The following RNF17 variants were observed in gnomAD, a reference collection of about 807,000 sequenced individuals.
RNF17 encodes spermatogenesis associated 23.
RNF17 carries 31 observed loss-of-function variants against 200.5 expected under a neutral mutation model. That is an observed-to-expected ratio of 0.15 (90% confidence interval 0.12 to 0.21). The LOEUF is 0.21. RNF17 is among the 10% of genes least tolerant of loss of function. The pLI is 1.00. For synonymous variants in RNF17, 606 were observed against 637.8 expected (o/e 0.95, Z 0.75); for missense variants, 1,628 against 1,905.1 (o/e 0.85, Z 2.71).
chr13:24,840,131 A>G (rs1313788902), intron 18 of RNF17, among the ~76,000 whole-genome samples: 1 of 152,206 alleles, frequency 6.6e-6, no homozygotes, highest in Non-Finnish European at 1.5e-5. Flanking sequence ...AAAATGCTCA[A>G]CATCACTAAT....
rs984122581 is a variant in RNF17, at chr13:24,854,213, C to A, written c.3610+69C>A. On this transcript the variant is annotated intron_variant, in intron 25 of 35. Coordinates refer to ENST00000255324, the MANE Select transcript of RNF17 (RefSeq NM_031277.3). ...ACGACAGGGATTGAAATACTTTGGG[C>A]AACCTCTTTGAACGTTATTTTCACA... is the stretch of plus-strand genomic sequence containing the variant. 13 of 1,230,864 alleles carry A rather than the reference C, an allele frequency of 1.1e-5. No individual in the cohort carries two copies. The African/African-American group carries it at 1.8e-4, about 17-fold the overall frequency. The allele number at this position is 1,230,864 out of a possible 1,614,324, so 76.2% of individuals were successfully genotyped here.
At chr13:24,843,565 G>A (rs1020108922) in intron 19 of RNF17, among the ~76,000 whole-genome samples, 179 bp from the exon 20 acceptor site, 1 of 152,048 alleles carries the variant, frequency 6.6e-6, no homozygotes, top group Non-Finnish European at 1.5e-5. Context: ...TCTTTTTAAA[G>A]TGAGGGTTAT....
At chr13:24,795,983 T>G (rs567577609) in intron 10 of RNF17, among the ~76,000 whole-genome samples, 154 bp from the exon 11 acceptor site, 141 of 152,320 alleles carry the variant, frequency 9.3e-4, no homozygotes, top group African/African-American at 3.1e-3. Flanking sequence ...ATCAATCATT[T>G]AGGGCTTGCA....
chr13:24,886,103 C>T, the RNF17 span: 2 of 387,728 alleles, frequency 5.2e-6, no homozygotes, highest in African/African-American at 2.1e-5. Context: ...CATACTGTAC[C>T]AGCAACATAT....
intron 15 of RNF17, among the ~76,000 whole-genome samples, chr13:24,825,084 T>C (rs1888476698): frequency 6.6e-6 from 1 of 152,162 alleles, no homozygotes; most frequent in Admixed American, 6.5e-5. Flanking sequence ...TGGGGCATTC[T>C]GCAGAAAAAT....
At chr13:24,884,111 T>A (rs1012449387), downstream of RNF17, 3 of 1,603,568 alleles carry the variant, frequency 1.9e-6, no homozygotes, top group African/African-American at 2.7e-5. Flanking sequence ...ACAGTAAATA[T>A]TTTTTGAAGG....
chr13:24,823,828 C>G (rs1269894070), intron 15 of RNF17, among the ~76,000 whole-genome samples: 1 of 152,190 alleles, frequency 6.6e-6, no homozygotes, highest in Non-Finnish European at 1.5e-5. Context: ...CTCATAAACT[C>G]TTCCTTCCAA....
chr13:24,825,341 CAT>C (rs917219831), intron 15 of RNF17, among the ~76,000 whole-genome samples: 5 of 152,108 alleles, frequency 3.3e-5, no homozygotes, highest in South Asian at 2.1e-4. Flanking sequence ...TTGGTAAAAA[CAT>C]ATACAGTGAG....
chr13:24,883,929 G>A (rs1263122820), downstream of RNF17: 1 of 1,613,592 alleles, frequency 6.2e-7, no homozygotes, highest in Non-Finnish European at 8.5e-7. Context: ...GTGTCACACT[G>A]AGTGGTTTTT....
intron 24 of RNF17, among the ~76,000 whole-genome samples, chr13:24,851,953 T>A (rs986473187): frequency 2.0e-4 from 30 of 152,146 alleles, no homozygotes; most frequent in African/African-American, 6.0e-4. Context: ...ATATACCTAC[T>A]AGATGTATTT....
chr13:24,872,004 T>C (rs1334797195), intron 32 of RNF17, among the ~76,000 whole-genome samples: 1 of 144,234 alleles, frequency 6.9e-6, no homozygotes, highest in Non-Finnish European at 1.5e-5. Context: ...GTTTCACTCT[T>C]GTTGCCCAGG....
In RNF17 at chr13:24,780,995, C is replaced by G. The variant is rs559013170; in HGVS notation, c.511-849C>G. Among the ~76,000 whole-genome samples, 9 of 152,232 alleles carry G rather than the reference C, an allele frequency of 5.9e-5. 1 individual carries two copies. The South Asian group carries it at 1.2e-3, about 21-fold the overall frequency. Reference sequence around the variant, plus strand: ...GGCAAAATTCATTTCCACTATGAGCCTGTGAAACGAGACAAGAACTTAGTT... The same window carrying G: ...GGCAAAATTCATTTCCACTATGAGCGTGTGAAACGAGACAAGAACTTAGTT... On this transcript the variant is annotated intron_variant, in intron 5 of 35. Coordinates refer to ENST00000255324, the MANE Select transcript of RNF17 (RefSeq NM_031277.3).
chr13:24,764,888 GGTGT>G (rs57755622), intron 1 of RNF17, among the ~76,000 whole-genome samples: 3,996 of 134,070 alleles, frequency 0.03, 138 homozygotes, highest in African/African-American at 0.08. Context: ...CACCTTGTGG[GGTGT>G]GTGTGTGTGT....
intron 6 of RNF17, among the ~76,000 whole-genome samples, chr13:24,786,204 G>C (rs1240007168): frequency 6.6e-6 from 1 of 151,438 alleles, no homozygotes; most frequent in Non-Finnish European, 1.5e-5. Flanking sequence ...AGTTTTTATG[G>C]TTACCCATAA....
upstream of RNF17, among the ~76,000 whole-genome samples, chr13:24,762,392 A>G (rs56691988): frequency 3.1e-3 from 446 of 146,212 alleles, 2 homozygotes; most frequent in African/African-American, 0.01. Flanking sequence ...AAAAAAAAAA[A>G]AGAGAATATG....
chr13:24,778,211 A>G lies in RNF17; in HGVS notation c.318-84A>G, dbSNP rs1262289365. ...TGGGAAGTCGAGGCTGCCATGAGCC[A>G]TGATGGTGCCACTGCACTCTGGCCT... On this transcript the variant is annotated intron_variant, in intron 3 of 35. Coordinates refer to ENST00000255324, the MANE Select transcript of RNF17 (RefSeq NM_031277.3). The G allele has an allele frequency of 1.2e-4, 106 of 867,932 alleles. 3 individuals are homozygous for G. The South Asian group carries it at 1.6e-3, about 13-fold the overall frequency. The allele number at this position is 867,932 out of a possible 1,614,324, so 53.8% of individuals were successfully genotyped here.
intron 15 of RNF17, among the ~76,000 whole-genome samples, chr13:24,823,262 C>A (rs115253951): frequency 0.22 from 33,957 of 151,972 alleles, 4,324 homozygotes; most frequent in East Asian, 0.39. Context: ...TTAGTAAAGA[C>A]AGAGTCTCAC....
chr13:24,880,001 CTAA>C (rs1422386823), downstream of RNF17: 1 of 152,066 alleles, frequency 6.6e-6, no homozygotes, highest in Non-Finnish European at 1.5e-5. Context: ...CATTTTATAC[CTAA>C]TGATTCAACT....
chr13:24,782,407 A>T (rs1024548505), intron 6 of RNF17, among the ~76,000 whole-genome samples: 1 of 151,816 alleles, frequency 6.6e-6, no homozygotes, highest in Non-Finnish European at 1.5e-5. Flanking sequence ...TACATTGTCC[A>T]TGCTTTTCCC....
Sources: gnomAD v4.1 joint callset for allele counts (sites outside exome capture counted in the v4.1 genomes callset) on GRCh38, gnomAD v4.1.1 for gene constraint, MANE v1.5 for transcripts, NCBI Gene and HGNC (gene_info 2026-07-23, HGNC 2026-07-21) for gene names.